GRIN2A: variants seen among roughly 807,000 people sequenced by gnomAD.
The protein encoded by GRIN2A is glutamate receptor ionotropic, NMDA 2A.
In GRIN2A, 22 loss-of-function variants were observed where a neutral mutation model predicts 113.4. The observed-to-expected ratio is 0.19, with a 90% confidence interval of 0.14 to 0.28. The LOEUF (loss-of-function observed/expected upper bound fraction) is 0.28. Among genes scored for constraint, GRIN2A ranks in the 10% least tolerant of loss-of-function variants. GRIN2A has a pLI of 1.00. For synonymous variants in GRIN2A, 827 were observed against 738.4 expected, an observed-to-expected ratio of 1.12 and a Z score of -1.94; for missense variants, 1,502 against 1,887.0, an observed-to-expected ratio of 0.80 and a Z score of 3.78.
In GRIN2A at chr16:9,998,320, A is replaced by G. The variant is rs561682305; in HGVS notation, c.415-59769T>C. Among the ~76,000 whole-genome samples the G allele has an allele frequency of 5.3e-4, 81 of 152,224 alleles. 1 individual carries two copies. Among genetic ancestry groups the G allele is most frequent in the Non-Finnish European group, 9.0e-4 (61 of 68,044 alleles). ...GGCATAACACTGTATGATTCCATTC[A>G]CATAAAATGTCCAGAATAGGCAAAT... is the stretch of plus-strand genomic sequence containing the variant. On this transcript the variant is annotated intron_variant, in intron 2 of 12. Coordinates refer to ENST00000330684, the MANE Select transcript of GRIN2A (RefSeq NM_001134407.3).
intron 2 of GRIN2A, among the ~76,000 whole-genome samples, chr16:10,024,669 T>G (rs1235613927): frequency 6.6e-6 from 1 of 152,178 alleles, no homozygotes; most frequent in Non-Finnish European, 1.5e-5. Context: ...GCAGACCCAT[T>G]CAAGCCATGG....
chr16:9,925,635 G>A (rs548858280), intron 3 of GRIN2A, among the ~76,000 whole-genome samples: 21 of 152,284 alleles, frequency 1.4e-4, no homozygotes, highest in African/African-American at 4.8e-4. Context: ...TAAATAAAAT[G>A]TGGTAAACTC....
intron 3 of GRIN2A, among the ~76,000 whole-genome samples, chr16:9,900,181 C>A (rs1203131803): frequency 6.6e-6 from 1 of 152,184 alleles, no homozygotes. Context: ...CAAAAGCTTT[C>A]TTTTAAATGC....
Position 10,180,828 on chromosome 16 carries a change from A to C in GRIN2A, c.-18-399T>G. 11 of 230,108 alleles carry C rather than the reference A, an allele frequency of 4.8e-5. No individual in the cohort carries two copies. The highest frequency in any genetic ancestry group is 1.0e-4 in the East Asian group (1 of 9,590). 14.3% of individuals were successfully genotyped at this position (230,108 alleles called of 1,614,324 possible). A position where few individuals can be genotyped will look rare whatever the true frequency, so the allele number is the denominator to read the frequency against. On this transcript the variant is annotated intron_variant, in intron 1 of 12. Transcript: ENST00000330684. This position sits in a 1 kb window ranked among gnomAD's most constrained non-coding sequence, Gnocchi z 7.0. Reference sequence around the variant, plus strand: ...GTGCACAGAATAAACCCTCCATCCAACCCCTCCCACCTGGGATAGAGAGGA... The same window carrying C: ...GTGCACAGAATAAACCCTCCATCCACCCCCTCCCACCTGGGATAGAGAGGA...
chr16:9,979,785 C>CTATATATATTTATATATATATA (rs2045853027), intron 2 of GRIN2A, among the ~76,000 whole-genome samples: 1 of 122,348 alleles, frequency 8.2e-6, no homozygotes, highest in Non-Finnish European at 1.7e-5. Flanking sequence ...GACTATGGGA[C>CTATATATATTTATATATATATA]TATATATATA....
chr16:10,176,641 T>C (rs1024578448), intron 2 of GRIN2A, among the ~76,000 whole-genome samples: 2 of 137,080 alleles, frequency 1.5e-5, no homozygotes, highest in Middle Eastern at 4.5e-3. Flanking sequence ...TAGGTGGGAA[T>C]TGAACAATGA....
intron 2 of GRIN2A, among the ~76,000 whole-genome samples, chr16:10,177,719 T>C (rs912665186): frequency 1.3e-5 from 2 of 152,166 alleles, no homozygotes; most frequent in African/African-American, 2.4e-5. Context: ...TCCCTGGACT[T>C]CTCAAAACTT....
intron 2 of GRIN2A, among the ~76,000 whole-genome samples, chr16:10,150,097 TG>T (rs367577129): frequency 4.3e-4 from 65 of 152,334 alleles, no homozygotes; most frequent in African/African-American, 1.5e-3. Flanking sequence ...TTTGAACAGT[TG>T]GTCCCCCTTG....
chr16:9,819,238 G>A (rs1361867398), intron 10 of GRIN2A, among the ~76,000 whole-genome samples: 2 of 151,726 alleles, frequency 1.3e-5, no homozygotes, highest in Admixed American at 6.6e-5. Flanking sequence ...ATTTAATTTA[G>A]GCTGGGCATA....
chr16:9,837,422 A>G (rs1567334935), intron 7 of GRIN2A, among the ~76,000 whole-genome samples: 1 of 152,192 alleles, frequency 6.6e-6, no homozygotes, highest in African/African-American at 2.4e-5. Context: ...CAAGATAAAA[A>G]TCTAGAGAAA....
At chr16:10,122,396 G>A (rs550311022) in intron 2 of GRIN2A, among the ~76,000 whole-genome samples, 13 of 152,246 alleles carry the variant, frequency 8.5e-5, no homozygotes, top group Admixed American at 7.2e-4. Flanking sequence ...CGGGGAGGTA[G>A]GGGCACGGCT....
intron 3 of GRIN2A, among the ~76,000 whole-genome samples, chr16:9,927,841 A>C (rs2044499246): frequency 6.6e-6 from 1 of 152,222 alleles, no homozygotes; most frequent in Admixed American, 6.5e-5. Flanking sequence ...TAGTGATGGA[A>C]ATGAAAAGGA....
At position 9,755,762 on chromosome 16, in the gene GRIN2A, CG is replaced by C; in HGVS notation, c.*7386del. The C allele has an allele frequency of 4.8e-6, 1 of 208,106 alleles. No individual in the cohort carries two copies. Among genetic ancestry groups the C allele is most frequent in the East Asian group, 7.1e-5 (1 of 14,014 alleles). 12.9% of individuals were successfully genotyped at this position (208,106 alleles called of 1,614,324 possible). Reference sequence around the variant, plus strand: ...GGGTACCTATAAAGCCCGGTGGAAGCGTTCCAGTTCAACACTCTTCAGTGGG... The same window carrying C: ...GGGTACCTATAAAGCCCGGTGGAAGCTTCCAGTTCAACACTCTTCAGTGGG... On this transcript the variant is annotated 3_prime_UTR_variant, in exon 13 of 13. Transcript: ENST00000330684.
chr16:10,128,131 G>T (rs2048984768), intron 2 of GRIN2A, among the ~76,000 whole-genome samples: 1 of 152,176 alleles, frequency 6.6e-6, no homozygotes, highest in Non-Finnish European at 1.5e-5. Context: ...TGAGAAGGTG[G>T]CACTGTCCAT....
At chr16:10,081,856 C>T (rs182239822) in intron 2 of GRIN2A, among the ~76,000 whole-genome samples, 2 of 152,294 alleles carry the variant, frequency 1.3e-5, no homozygotes, top group East Asian at 3.9e-4. Context: ...TGTCCCTACT[C>T]TCCATTTTCA....
intron 2 of GRIN2A, among the ~76,000 whole-genome samples, chr16:9,985,052 A>G (rs2141791632): frequency 6.6e-6 from 1 of 152,220 alleles, no homozygotes; most frequent in African/African-American, 2.4e-5. Context: ...GCACACACAC[A>G]CACACCGAGT....
At chr16:9,976,981 G>T (rs1344512046) in intron 2 of GRIN2A, among the ~76,000 whole-genome samples, 1 of 152,208 alleles carries the variant, frequency 6.6e-6, no homozygotes, top group Non-Finnish European at 1.5e-5. Flanking sequence ...CCTGAAACAG[G>T]AGGGCCCAAA....
chr16:9,821,779 T>C (rs924937907), intron 10 of GRIN2A, among the ~76,000 whole-genome samples: 2 of 152,218 alleles, frequency 1.3e-5, no homozygotes, highest in Non-Finnish European at 2.9e-5. Context: ...TAACTGTAAC[T>C]TGAATGATTT....
In GRIN2A at chr16:9,861,237, G is replaced by A. The variant is rs369663885; in HGVS notation, c.1123-11276C>T. Among the ~76,000 whole-genome samples the A allele has an allele frequency of 5.3e-5, 8 of 152,124 alleles. No individual in the cohort carries two copies. In the South Asian group the frequency reaches 1.7e-3, roughly 32 times the overall value. ...AAAATAAGCAGTGATTTACTCCCAA[G>A]CTGGAGAAAACATGAGTAATTAACT... On this transcript the variant is annotated intron_variant, in intron 4 of 12. Coordinates refer to ENST00000330684, the MANE Select transcript of GRIN2A (RefSeq NM_001134407.3).
Sources: allele counts gnomAD v4.1 joint callset (sites outside exome capture counted in the v4.1 genomes callset), GRCh38; gene constraint gnomAD v4.1.1; non-coding constraint Gnocchi (gnomAD v3.1); transcripts MANE v1.5; gene names NCBI Gene and HGNC (gene_info 2026-07-23, HGNC 2026-07-21).